The following JMY variants were observed in gnomAD, a reference collection of about 807,000 sequenced individuals.
The protein encoded by JMY is junction mediating and regulatory protein, p53 cofactor.
In JMY, 46 loss-of-function variants were observed where a neutral mutation model predicts 103.3. The ratio of observed to expected loss-of-function variants is 0.45; its 90% CI spans 0.35 to 0.57. JMY has a LOEUF of 0.57. JMY is among the 20% of genes least tolerant of loss of function. The pLI, the probability that JMY is intolerant of heterozygous loss-of-function variation, is 0.00. For missense variants in JMY, 1,238 were observed against 1,255.2 expected, an observed-to-expected ratio of 0.99 and a Z score of 0.21; for synonymous variants, 526 against 489.3, an observed-to-expected ratio of 1.07 and a Z score of -0.99.
intron 9 of JMY, among the ~76,000 whole-genome samples, chr5:79,315,414 A>G (rs982293663): frequency 2.0e-5 from 3 of 152,192 alleles, no homozygotes; most frequent in Non-Finnish European, 4.4e-5. Flanking sequence ...TATTTCTAAA[A>G]AGAGCAGAGA....
At chr5:79,243,362 G>A (rs1322558757) in intron 1 of JMY, among the ~76,000 whole-genome samples, 2 of 152,098 alleles carry the variant, frequency 1.3e-5, no homozygotes, top group African/African-American at 2.4e-5. Flanking sequence ...GTCTTGGGAC[G>A]CCACCTGTCT....
chr5:79,304,510 A>G (rs990058775), intron 6 of JMY, among the ~76,000 whole-genome samples: 1 of 152,178 alleles, frequency 6.6e-6, no homozygotes, highest in African/African-American at 2.4e-5. Context: ...GTGATTAAAC[A>G]TTTCAAGAAG....
intron 4 of JMY, among the ~76,000 whole-genome samples, chr5:79,297,398 G>A (rs1012501523): frequency 6.6e-6 from 1 of 152,096 alleles, no homozygotes; most frequent in African/African-American, 2.4e-5. Context: ...TCTGGAATTA[G>A]TTCTCTTTTC....
intron 1 of JMY, among the ~76,000 whole-genome samples, chr5:79,265,733 C>T (rs563455919): frequency 9.2e-5 from 14 of 151,754 alleles, no homozygotes; most frequent in African/African-American, 2.9e-4. Flanking sequence ...CATGATGACA[C>T]GGCCTCACCC....
chr5:79,243,918 ATTAAT>A (rs1744813219), intron 1 of JMY, among the ~76,000 whole-genome samples: 1 of 152,142 alleles, frequency 6.6e-6, no homozygotes, highest in Non-Finnish European at 1.5e-5. Context: ...CTTCTTGGTA[ATTAAT>A]TTGTGTAATG....
Position 79,314,625 on chromosome 5 carries a change from ACCACCTCCCCCACCTCCTCCCCCTCCC to A in JMY, c.2439_2465del (p.Pro817_Pro825del). 1 of 1,367,414 alleles carries A rather than the reference ACCACCTCCCCCACCTCCTCCCCCTCCC, an allele frequency of 7.3e-7. No individual in the cohort carries two copies. The highest frequency in any genetic ancestry group is 1.0e-6 in the Non-Finnish European group (1 of 984,334). 84.7% of individuals were successfully genotyped at this position (1,367,414 alleles called of 1,614,324 possible). On this transcript the variant is annotated inframe_deletion, in exon 9 of 11. Coordinates refer to ENST00000396137, the MANE Select transcript of JMY (RefSeq NM_152405.5). ...TCCCATCCCCTCTTCCTCCAACACC[ACCACCTCCCCCACCTCCTCCCCCTCCC>A]CCACCACCACCACCTCTGCCTGTTG...
At chr5:79,269,878 C>T (rs1745691517) in intron 1 of JMY, among the ~76,000 whole-genome samples, 1 of 151,982 alleles carries the variant, frequency 6.6e-6, no homozygotes, top group Admixed American at 6.6e-5. Context: ...CAGGCATGTG[C>T]TACCGTGTCC....
rs1745654309 is a variant in JMY, at chr5:79,268,593, T to G, written c.1033-9317T>G. Among the ~76,000 whole-genome samples, 3 of 152,254 alleles carry G rather than the reference T, an allele frequency of 2.0e-5. No individual in the cohort carries two copies. The South Asian group carries it at 6.2e-4, about 32-fold the overall frequency. Reference sequence around the variant, plus strand: ...ACCTCCACCTCCCGGGTTCAAGCGATTCTTCTGCCTCAGCCTCCCGAGTAG... The same window carrying G: ...ACCTCCACCTCCCGGGTTCAAGCGAGTCTTCTGCCTCAGCCTCCCGAGTAG... On this transcript the variant is annotated intron_variant, in intron 1 of 10. Transcript: ENST00000396137.
rs1193331644 is a variant in JMY, at chr5:79,322,198, A to G, written c.*596A>G. The G allele has an allele frequency of 6.6e-6, 1 of 152,214 alleles. No homozygotes were observed. Among genetic ancestry groups the G allele is most frequent in the African/African-American group, 2.4e-5 (1 of 41,460 alleles). The allele number at this position is 152,214 out of a possible 1,614,324, so 9.4% of individuals were successfully genotyped here. A position where few individuals can be genotyped will look rare whatever the true frequency, so the allele number is the denominator to read the frequency against. On this transcript the variant is annotated 3_prime_UTR_variant, in exon 11 of 11. Coordinates refer to ENST00000396137, the MANE Select transcript of JMY (RefSeq NM_152405.5). ...TGTTCAGCAACATCTGAAAAGCTGC[A>G]TTTATGGAGATACATCTATTAATAT...
At position 79,236,836 on chromosome 5, in the gene JMY, G is replaced by C. The variant is rs1458946802; in HGVS notation, c.186G>C (p.Ala62=). Residue 62 remains alanine, a synonymous_variant, in exon 1 of 11, where the codon GCG becomes GCC. Transcript: ENST00000396137. ...AGAGGAGCGGCTCCCGGGAGCAAGC[G>C]GGGGCGCGAGGGGGCGCCGAGGCCG... The part of the protein sequence containing the change: ...QRQRSGSREQ[A]GARGGAEAGG... 4 of 1,451,994 alleles carry C rather than the reference G, an allele frequency of 2.8e-6. No homozygotes were observed. Among genetic ancestry groups the C allele is most frequent in the Admixed American group, 2.5e-5 (1 of 40,678 alleles). The allele number at this position is 1,451,994 out of a possible 1,614,324, so 89.9% of individuals were successfully genotyped here.
chr5:79,248,490 G>A (rs909166617), intron 1 of JMY, among the ~76,000 whole-genome samples: 1 of 151,402 alleles, frequency 6.6e-6, no homozygotes, highest in Non-Finnish European at 1.5e-5. Flanking sequence ...TGTATTTTTA[G>A]TAGAGATGGG....
Position 79,236,959 on chromosome 5 carries a change from G to T in JMY, c.309G>T (p.Gly103=). 6.9e-7 allele frequency: 1 copy of T among 1,449,884 alleles called. No homozygotes were observed. The highest frequency in any genetic ancestry group is 9.1e-7 in the Non-Finnish European group (1 of 1,103,866). The allele number at this position is 1,449,884 out of a possible 1,614,324, so 89.8% of individuals were successfully genotyped here. ...CTGCAACTCTGGTTAGGAGCCCCGG[G>T]CCCCGGCGGAGCTCGGCCTGGGCGG... ...TASATLVRSP[G]PRRSSAWAEG... Residue 103 remains glycine, a synonymous_variant, in exon 1 of 11, where the codon GGG becomes GGT. Coordinates refer to ENST00000396137, the MANE Select transcript of JMY (RefSeq NM_152405.5).
chr5:79,270,680 T>TA (rs1357430924), intron 1 of JMY, among the ~76,000 whole-genome samples: 2 of 136,268 alleles, frequency 1.5e-5, no homozygotes, highest in Admixed American at 7.8e-5. Flanking sequence ...ATAAAATATA[T>TA]TTATATTAAT....
At chr5:79,275,781 ATTTG>A (rs759176157) in intron 1 of JMY, among the ~76,000 whole-genome samples, 13 of 152,220 alleles carry the variant, frequency 8.5e-5, no homozygotes, top group Non-Finnish European at 1.2e-4. Context: ...GATAGCTAAT[ATTTG>A]TTTGGCACTT....
At chr5:79,291,769 TAC>T (rs1036462175) in intron 4 of JMY, among the ~76,000 whole-genome samples, 2 of 152,190 alleles carry the variant, frequency 1.3e-5, no homozygotes, top group African/African-American at 4.8e-5. Flanking sequence ...CTGTACCCGC[TAC>T]AGTCACTGTC....
chr5:79,305,027 G>A (rs1412106538), intron 6 of JMY, among the ~76,000 whole-genome samples: 3 of 152,146 alleles, frequency 2.0e-5, no homozygotes, highest in African/African-American at 7.2e-5. Flanking sequence ...CCATTGCACT[G>A]GATAGATTCT....
intron 1 of JMY, among the ~76,000 whole-genome samples, chr5:79,266,127 C>A (rs778436692): frequency 3.3e-5 from 5 of 152,296 alleles, no homozygotes; most frequent in Non-Finnish European, 7.4e-5. Flanking sequence ...TGTGGCCTGT[C>A]CTCTGTCCAT....
chr5:79,266,425 TG>T (rs780645141), intron 1 of JMY, among the ~76,000 whole-genome samples: 46 of 152,200 alleles, frequency 3.0e-4, no homozygotes, highest in Non-Finnish European at 5.0e-4. Context: ...TATTAATACT[TG>T]TTAAATGACC....
At chr5:79,262,537 A>G (rs1745456563) in intron 1 of JMY, among the ~76,000 whole-genome samples, 1 of 152,238 alleles carries the variant, frequency 6.6e-6, no homozygotes, top group Non-Finnish European at 1.5e-5. Context: ...AATGCTTAGT[A>G]AATTGTATCT....
Sources: gnomAD v4.1 joint callset for allele counts (sites outside exome capture counted in the v4.1 genomes callset) on GRCh38, gnomAD v4.1.1 for gene constraint, MANE v1.5 for transcripts, NCBI Gene and HGNC (gene_info 2026-07-23, HGNC 2026-07-21) for gene names.